Variants in FBXW7 observed in about 807,000 individuals in gnomAD.
FBXW7 encodes F-box and WD repeat domain containing 7.
A neutral mutation model predicts 86.3 loss-of-function variants in FBXW7; 11 were observed. That is an observed-to-expected ratio of 0.13 (90% CI 0.08 to 0.21). The LOEUF is 0.21. Ranked by LOEUF, FBXW7 falls within the 10% of genes least tolerant of loss-of-function variation. The pLI, the probability that FBXW7 is intolerant of heterozygous loss-of-function variation, is 1.00. For missense variants in FBXW7, 488 were observed against 847.4 expected, an observed-to-expected ratio of 0.58 and a Z score of 5.27; for synonymous variants, 313 against 297.9, an observed-to-expected ratio of 1.05 and a Z score of -0.52.
intron 2 of FBXW7, among the ~76,000 whole-genome samples, chr4:152,447,815 T>C (rs1274860260): frequency 6.6e-6 from 1 of 152,180 alleles, no homozygotes; most frequent in Non-Finnish European, 1.5e-5. Flanking sequence ...TCATTCTAAT[T>C]ACAGCTAGAG....
chr4:152,465,705 A>G (rs1313589682), intron 2 of FBXW7, among the ~76,000 whole-genome samples: 1 of 151,968 alleles, frequency 6.6e-6, no homozygotes, highest in Non-Finnish European at 1.5e-5. Flanking sequence ...TTAGCCGGGC[A>G]TGATGGCATG....
chr4:152,461,909 AC>A (rs1742986150), intron 2 of FBXW7, among the ~76,000 whole-genome samples: 1 of 152,200 alleles, frequency 6.6e-6, no homozygotes, highest in African/African-American at 2.4e-5. Flanking sequence ...GTCCTTGAAT[AC>A]TGTCGTTTCC....
At chr4:152,375,357 TA>T (rs1734405321) in intron 4 of FBXW7, among the ~76,000 whole-genome samples, 1 of 151,928 alleles carries the variant, frequency 6.6e-6, no homozygotes, top group African/African-American at 2.4e-5. Context: ...ACTCTCCATA[TA>T]AAAAATATGT....
intron 2 of FBXW7, among the ~76,000 whole-genome samples, chr4:152,513,656 G>A (rs986457212): frequency 5.9e-5 from 9 of 152,156 alleles, no homozygotes; most frequent in Non-Finnish European, 8.8e-5. Flanking sequence ...ACAATTTGTT[G>A]TCTTTTACCC....
At chr4:152,339,964 T>C (rs1404288097) in intron 6 of FBXW7, among the ~76,000 whole-genome samples, 3 of 151,386 alleles carry the variant, frequency 2.0e-5, no homozygotes, top group African/African-American at 7.3e-5. Context: ...GAGACATATC[T>C]TTTATCAAGG....
chr4:152,471,204 T>C (rs1743925164), intron 2 of FBXW7, among the ~76,000 whole-genome samples: 1 of 151,512 alleles, frequency 6.6e-6, no homozygotes, highest in Non-Finnish European at 1.5e-5. Flanking sequence ...AAAAATAAGA[T>C]ATATTAGAGA....
At chr4:152,526,056 T>C (rs986427232) in intron 2 of FBXW7, among the ~76,000 whole-genome samples, 2 of 152,226 alleles carry the variant, frequency 1.3e-5, no homozygotes, top group African/African-American at 2.4e-5. Flanking sequence ...TAATGAGTAA[T>C]ATTGAGCTTT....
chr4:152,346,842 G>C (rs2126632941), intron 6 of FBXW7, 88 bp downstream of exon 6: 1 of 1,538,354 alleles, frequency 6.5e-7, no homozygotes, highest in South Asian at 1.2e-5. Flanking sequence ...CTATGTAACA[G>C]TGTTTCCTTC....
chr4:152,528,685 T>C (rs996428845), intron 2 of FBXW7, among the ~76,000 whole-genome samples: 1 of 152,212 alleles, frequency 6.6e-6, no homozygotes, highest in African/African-American at 2.4e-5. Flanking sequence ...TATCCCATAG[T>C]GTTCAGAAAA....
chr4:152,440,952 C>T (rs114230302), intron 2 of FBXW7, among the ~76,000 whole-genome samples: 2,028 of 150,938 alleles, frequency 0.013, 24 homozygotes, highest in Middle Eastern at 0.038. Context: ...TTTTCAATAA[C>T]GTTCACTAAG....
At chr4:152,398,611 G>A (rs1227999867) in intron 4 of FBXW7, among the ~76,000 whole-genome samples, 1 of 151,944 alleles carries the variant, frequency 6.6e-6, no homozygotes, top group Non-Finnish European at 1.5e-5. Flanking sequence ...ACAAAAGAAT[G>A]GGGTCGTGTC....
chr4:152,432,721 A>T (rs1315713136), intron 2 of FBXW7, among the ~76,000 whole-genome samples: 1 of 152,228 alleles, frequency 6.6e-6, no homozygotes, highest in Non-Finnish European at 1.5e-5. Flanking sequence ...CTGAGGCAGG[A>T]GAATCACTTG....
At chr4:152,431,486 G>A (rs1329653028) in intron 2 of FBXW7, among the ~76,000 whole-genome samples, 1 of 152,096 alleles carries the variant, frequency 6.6e-6, no homozygotes, top group African/African-American at 2.4e-5. Context: ...CCTGTTCTCA[G>A]GGAAAAAAAT....
intron 2 of FBXW7, among the ~76,000 whole-genome samples, chr4:152,498,946 T>C (rs1176465127): frequency 6.6e-6 from 1 of 152,146 alleles, no homozygotes; most frequent in African/African-American, 2.4e-5. Context: ...ATAAATAAAA[T>C]CTTTAAAGTT....
intron 4 of FBXW7, among the ~76,000 whole-genome samples, chr4:152,376,887 T>C (rs888482887): frequency 1.4e-4 from 21 of 152,148 alleles, no homozygotes; most frequent in Non-Finnish European, 7.4e-5. Context: ...TTTCCAGTTT[T>C]TTCATGACTA....
chr4:152,528,911 C>T (rs371393105), intron 2 of FBXW7, among the ~76,000 whole-genome samples: 48 of 151,936 alleles, frequency 3.2e-4, no homozygotes, highest in African/African-American at 1.1e-3. Context: ...TAGCACAATA[C>T]GCTAGGTATA....
At chr4:152,339,910 G>A (rs937242956) in intron 6 of FBXW7, among the ~76,000 whole-genome samples, 4 of 136,894 alleles carry the variant, frequency 2.9e-5, no homozygotes, top group Admixed American at 8.0e-5. Flanking sequence ...GTGACAGAGC[G>A]AGGCTTTGTC....
At chr4:152,353,438 A>G (rs1172561716) in intron 4 of FBXW7, among the ~76,000 whole-genome samples, 2 of 152,176 alleles carry the variant, frequency 1.3e-5, no homozygotes, top group Admixed American at 6.6e-5. Flanking sequence ...CAATCCTTTA[A>G]AACATAGTAA....
At chr4:152,484,170 T>G (rs1240338970) in intron 2 of FBXW7, among the ~76,000 whole-genome samples, 2 of 152,148 alleles carry the variant, frequency 1.3e-5, no homozygotes, top group Non-Finnish European at 2.9e-5. Flanking sequence ...TTTTTAAAAT[T>G]TATTACTACT....
Sources: allele counts gnomAD v4.1 joint callset (sites outside exome capture counted in the v4.1 genomes callset), GRCh38; gene constraint gnomAD v4.1.1; transcripts MANE v1.5; gene names NCBI Gene and HGNC (gene_info 2026-07-23, HGNC 2026-07-21).